The following ARHGEF26 variants were observed in gnomAD, a reference collection of about 807,000 sequenced individuals.
ARHGEF26 encodes Rho guanine nucleotide exchange factor 26.
A neutral mutation model predicts 89.4 loss-of-function variants in ARHGEF26; 59 were observed. The observed-to-expected ratio is 0.66, with a 90% confidence interval of 0.54 to 0.82. The LOEUF (loss-of-function observed/expected upper bound fraction) is 0.82. ARHGEF26 is among the 40% of genes least tolerant of loss of function. The probability of loss-of-function intolerance (pLI) is 0.00; values close to 1 mark genes in which losing one functional copy is unlikely to be tolerated. For missense variants in ARHGEF26, 1,234 were observed against 1,085.6 expected, an observed-to-expected ratio of 1.14 and a Z score of -1.92; for synonymous variants, 500 against 428.4, an observed-to-expected ratio of 1.17 and a Z score of -2.06.
intron 6 of ARHGEF26, among the ~76,000 whole-genome samples, chr3:154,180,299 T>C (rs1409061404): frequency 6.6e-6 from 1 of 152,134 alleles, no homozygotes; most frequent in Non-Finnish European, 1.5e-5. Flanking sequence ...AATGGACATG[T>C]ACATGGCCAT....
intron 10 of ARHGEF26, among the ~76,000 whole-genome samples, chr3:154,220,717 A>G (rs1021018588): frequency 6.6e-6 from 1 of 152,170 alleles, no homozygotes; most frequent in Non-Finnish European, 1.5e-5. Context: ...AAGTGAAGCA[A>G]TCAGATGTGT....
chr3:154,220,589 G>A (rs1245913020), intron 10 of ARHGEF26, among the ~76,000 whole-genome samples: 4 of 152,192 alleles, frequency 2.6e-5, no homozygotes, highest in Admixed American at 2.6e-4. Context: ...GACTTGGGGT[G>A]CAAGAGGAGC....
intron 10 of ARHGEF26, among the ~76,000 whole-genome samples, chr3:154,225,487 T>C (rs1367433978): frequency 2.0e-5 from 3 of 152,180 alleles, no homozygotes; most frequent in Admixed American, 2.0e-4. Flanking sequence ...TTAAAATAAC[T>C]AGTTGATTCT....
chr3:154,209,750 C>G lies in ARHGEF26; in HGVS notation c.1846-8119C>G, dbSNP rs78527484. 0.011 allele frequency among the ~76,000 whole-genome samples: 1,615 copies of G among 152,270 alleles called. 89 individuals carry two copies. The East Asian group carries it at 0.17, about 16-fold the overall frequency. On this transcript the variant is annotated intron_variant, in intron 9 of 14. Transcript: ENST00000465093. ...CGCTCAAGGTCTGCTCTAACCACTC[C>G]CTGGCTACTGCCTGTTTACTCAAGG...
intron 12 of ARHGEF26, among the ~76,000 whole-genome samples, chr3:154,247,392 A>G (rs1717864017): frequency 6.6e-6 from 1 of 152,018 alleles, no homozygotes; most frequent in Admixed American, 6.6e-5. Context: ...GTAAAAGTCT[A>G]TTTCATCTTT....
intron 10 of ARHGEF26, 106 bp from the exon 11 acceptor site, chr3:154,225,750 C>T: frequency 8.2e-7 from 1 of 1,223,598 alleles, no homozygotes; most frequent in Non-Finnish European, 1.1e-6. Context: ...ATGATGCATA[C>T]TATGATAAGT....
chr3:154,221,486 A>G (rs1206975332), intron 10 of ARHGEF26, among the ~76,000 whole-genome samples: 1 of 152,220 alleles, frequency 6.6e-6, no homozygotes, highest in African/African-American at 2.4e-5. Context: ...AATTCTACAG[A>G]TGTACTCATG....
chr3:154,129,505 T>C, intron 3 of ARHGEF26, 69 bp from the exon 4 acceptor site: 1 of 1,520,568 alleles, frequency 6.6e-7, no homozygotes, highest in South Asian at 1.2e-5. Context: ...GTACATATGA[T>C]GTTTATTTAG....
chr3:154,195,024 A>T (rs1005277316), intron 9 of ARHGEF26, among the ~76,000 whole-genome samples: 1 of 152,218 alleles, frequency 6.6e-6, no homozygotes, highest in African/African-American at 2.4e-5. Flanking sequence ...GCCAAGAATG[A>T]TGCCAGTTCT....
intron 6 of ARHGEF26, among the ~76,000 whole-genome samples, chr3:154,155,538 A>C (rs559997533): frequency 6.6e-6 from 1 of 152,166 alleles, no homozygotes; most frequent in East Asian, 1.9e-4. Flanking sequence ...TGATGAACAT[A>C]ACTGAATTTA....
chr3:154,233,772 T>TG (rs1301714257), intron 11 of ARHGEF26, among the ~76,000 whole-genome samples: 1 of 152,148 alleles, frequency 6.6e-6, no homozygotes, highest in Non-Finnish European at 1.5e-5. Context: ...TTTGGTGGGG[T>TG]GATGGGCCAT....
At chr3:154,188,124 T>A (rs558676700) in intron 7 of ARHGEF26, among the ~76,000 whole-genome samples, 1 of 152,174 alleles carries the variant, frequency 6.6e-6, no homozygotes, top group Non-Finnish European at 1.5e-5. Flanking sequence ...TGGTCCTCAC[T>A]CTAAACCCGC....
chr3:154,194,481 T>C (rs16846900), intron 8 of ARHGEF26, among the ~76,000 whole-genome samples, 163 bp from the exon 9 acceptor site: 2,734 of 152,330 alleles, frequency 0.018, 74 homozygotes, highest in East Asian at 0.12. Flanking sequence ...GTTTAAAGAT[T>C]ATTTCCTGGT....
chr3:154,186,058 T>C (rs550502248), intron 6 of ARHGEF26, among the ~76,000 whole-genome samples: 1 of 152,190 alleles, frequency 6.6e-6, no homozygotes, highest in Non-Finnish European at 1.5e-5. Context: ...TTTAATGAGC[T>C]AACCTCTCCT....
intron 10 of ARHGEF26, among the ~76,000 whole-genome samples, chr3:154,223,337 G>C (rs915863384): frequency 6.6e-6 from 1 of 152,140 alleles, no homozygotes; most frequent in Non-Finnish European, 1.5e-5. Context: ...ATATGACCCA[G>C]CAGTTCCACT....
intron 10 of ARHGEF26, among the ~76,000 whole-genome samples, chr3:154,225,559 G>T (rs2108260519): frequency 6.6e-6 from 1 of 152,120 alleles, no homozygotes; most frequent in Middle Eastern, 3.4e-3. Flanking sequence ...TTTCAGTTAA[G>T]AGTTAATAGA....
Position 154,166,773 on chromosome 3 carries a change from G to C in ARHGEF26, c.1487+13841G>C, listed in dbSNP as rs373755178. ...ACTCAGCTTTAATTAAAGAAACAGT[G>C]GTTGAGAGGGTCCGCCTACAACCAC... On this transcript the variant is annotated intron_variant, in intron 6 of 14. Transcript: ENST00000465093. Among the ~76,000 whole-genome samples the C allele has an allele frequency of 5.3e-5, 8 of 152,096 alleles. No individual in the cohort carries two copies. In the East Asian group the frequency reaches 5.8e-4, roughly 11 times the overall value.
At chr3:154,181,089 A>G (rs1352651844) in intron 6 of ARHGEF26, among the ~76,000 whole-genome samples, 2 of 152,156 alleles carry the variant, frequency 1.3e-5, no homozygotes, top group Non-Finnish European at 2.9e-5. Flanking sequence ...CCAGTATGTC[A>G]AAAGAAACTG....
intron 9 of ARHGEF26, among the ~76,000 whole-genome samples, chr3:154,204,993 A>G (rs1047722296): frequency 1.3e-5 from 2 of 152,164 alleles, no homozygotes; most frequent in Non-Finnish European, 2.9e-5. Context: ...CCTGGATGAA[A>G]TGTTCTGTAA....
Sources: allele counts gnomAD v4.1 joint callset (sites outside exome capture counted in the v4.1 genomes callset), GRCh38; gene constraint gnomAD v4.1.1; transcripts MANE v1.5; gene names NCBI Gene and HGNC (gene_info 2026-07-23, HGNC 2026-07-21).